The following LAMB4 variants were observed in gnomAD, a reference collection of about 807,000 sequenced individuals.
LAMB4 encodes laminin subunit beta 4, also known as laminin subunit beta-4.
In LAMB4, 196 loss-of-function variants were observed where a neutral mutation model predicts 199.2. The observed-to-expected ratio is 0.98, with a 90% CI of 0.88 to 1.11. LAMB4 has a LOEUF of 1.11. LAMB4 is among the 50% of genes least tolerant of loss of function. The pLI, the probability that LAMB4 is intolerant of heterozygous loss-of-function variation, is 0.00. For missense variants in LAMB4, 2,080 were observed against 2,171.2 expected (o/e 0.96, Z 0.83); for synonymous variants, 744 against 770.6 (o/e 0.97, Z 0.57).
At chr7:108,091,556 G>C in intron 14 of LAMB4, 70 bp downstream of exon 14, 1 of 1,509,038 alleles carries the variant, frequency 6.6e-7, no homozygotes, top group South Asian at 1.3e-5. Flanking sequence ...ACGATCTCAA[G>C]TATGTGCTCT....
intron 31 of LAMB4, among the ~76,000 whole-genome samples, chr7:108,033,148 T>G (rs973893081): frequency 2.0e-5 from 3 of 152,182 alleles, no homozygotes; most frequent in Admixed American, 2.0e-4. Flanking sequence ...ACCTGCAAAC[T>G]TTTTCTGTAA....
rs533237873 is a variant in LAMB4 at position 108,043,757 on chromosome 7, A to G, written c.4466T>C (p.Leu1489Ser). Reference sequence around the variant, plus strand: ...AATATATATTTTTAAATTACCTAACAAAAAGTTTTTCACTTTTTTGATGAA... The same window carrying G: ...AATATATATTTTTAAATTACCTAACGAAAAGTTTTTCACTTTTTTGATGAA... ...NLFIKKVKNF[L>S]LEENVPPEDI... Residue 1489 changes from leucine to serine, a missense_variant, in exon 29 of 34, where the codon TTG becomes TCG. Physicochemically the swap from Leu to Ser is moderately radical, Grantham distance 145 (BLOSUM62 -2). Transcript: ENST00000388781. 5.7e-6 allele frequency: 9 copies of G among 1,570,632 alleles called. No individual in the cohort carries two copies. The African/African-American group carries it at 9.6e-5, about 17-fold the overall frequency.
chr7:108,051,753 A>G (rs1051423696), intron 26 of LAMB4, among the ~76,000 whole-genome samples: 3 of 152,124 alleles, frequency 2.0e-5, no homozygotes, highest in Non-Finnish European at 4.4e-5. Context: ...AGAAAGGCAT[A>G]TAAACATGTC....
intron 1 of LAMB4, among the ~76,000 whole-genome samples, chr7:108,127,189 G>GTTTTTTTTTTTTTT (rs758228106): frequency 7.2e-5 from 5 of 69,072 alleles, no homozygotes; most frequent in Non-Finnish European, 1.4e-4. Context: ...TTTTTTTTGT[G>GTTTTTTTTTTTTTT]TTTTTTTTTT....
chr7:108,046,682 T>G (rs1244858217), intron 28 of LAMB4, among the ~76,000 whole-genome samples: 1 of 152,110 alleles, frequency 6.6e-6, no homozygotes, highest in Non-Finnish European at 1.5e-5. Context: ...TAGATTTAAT[T>G]ATAAGGTACT....
At position 108,057,838 on chromosome 7, in the gene LAMB4, A is replaced by T. The variant is rs1209032251; in HGVS notation, c.3373T>A (p.Cys1125Ser). Residue 1125 changes from cysteine (C) to serine (S), a missense_variant, in exon 24 of 34, where the codon TGC (cysteine) becomes AGC (serine). Physicochemically the swap from Cys to Ser is moderately radical, Grantham distance 112 (BLOSUM62 -1). Coordinates refer to ENST00000388781, the MANE Select transcript of LAMB4 (RefSeq NM_007356.3). The stretch of plus-strand genomic sequence containing the variant: ...TAGAAATCCCAATACTTACGAATGC[A>T]TCGCCCAGGTGGATCACCATAATAA... The part of the protein sequence containing the change: ...ENYYGDPPGR[C>S]IPCDCNRAGT... The T allele has an allele frequency of 6.2e-7, 1 of 1,609,068 alleles. No homozygotes were observed. The highest frequency in any genetic ancestry group is 1.7e-5 in the Admixed American group (1 of 60,012).
At chr7:108,096,275 C>T (rs537401760) in intron 11 of LAMB4, among the ~76,000 whole-genome samples, 6 of 152,240 alleles carry the variant, frequency 3.9e-5, no homozygotes, top group Admixed American at 3.3e-4. Context: ...TTTGTGACTG[C>T]CTTCTTTTAC....
Position 108,069,714 on chromosome 7 carries a change from C to T in LAMB4, c.2296G>A (p.Ala766Thr), listed in dbSNP as rs1324216839. ...CCATTAAACAGATACTTACCCACAG[C>T]CCCATCATGCAGCTTGGCAGACATG... Reference protein sequence around the residue: ...ISMSAKLHDGAVACKCHPQGS... With the variant: ...ISMSAKLHDGTVACKCHPQGS... Residue 766 changes from alanine (A) to threonine (T), a missense_variant, in exon 18 of 34, where the codon GCT becomes ACT. Coordinates refer to ENST00000388781, the MANE Select transcript of LAMB4 (RefSeq NM_007356.3). The T allele has an allele frequency of 1.9e-6, 3 of 1,613,252 alleles. No homozygotes were observed. In the East Asian group the frequency reaches 6.7e-5, roughly 36 times the overall value.
At chr7:108,019,690 G>A (rs1399238481), downstream of LAMB4, among the ~76,000 whole-genome samples, 2 of 152,078 alleles carry the variant, frequency 1.3e-5, no homozygotes, top group East Asian at 1.9e-4. Flanking sequence ...CTAGGCAGCT[G>A]TGTGCCTGGT....
intron 1 of LAMB4, among the ~76,000 whole-genome samples, chr7:108,129,539 C>CT (rs746971932): frequency 0.054 from 7,595 of 141,422 alleles, 600 homozygotes; most frequent in African/African-American, 0.17. Flanking sequence ...ATAAAGTTTA[C>CT]TTTTTTTTTT....
At chr7:108,114,132 G>A (rs959170866) in intron 3 of LAMB4, among the ~76,000 whole-genome samples, 5 of 152,142 alleles carry the variant, frequency 3.3e-5, no homozygotes, top group East Asian at 1.9e-4. Flanking sequence ...GATGGCTGGC[G>A]CTCATATTGG....
chr7:108,011,975 A>G, the LAMB4 span, among the ~76,000 whole-genome samples: 1 of 151,802 alleles, frequency 6.6e-6, no homozygotes, highest in Non-Finnish European at 1.5e-5. Context: ...ATATAAACAC[A>G]TATTTATATA....
chr7:108,038,163 CT>C (rs199791625), intron 29 of LAMB4, among the ~76,000 whole-genome samples: 167 of 146,630 alleles, frequency 1.1e-3, no homozygotes, highest in Non-Finnish European at 1.8e-3. Context: ...TATAAAGAAA[CT>C]TTTTTTTTTT....
At chr7:108,034,138 T>C in intron 31 of LAMB4, 70 bp downstream of exon 31, 1 of 1,429,072 alleles carries the variant, frequency 7.0e-7, no homozygotes, top group Non-Finnish European at 9.9e-7. Context: ...AGCATTGGCA[T>C]ACATAAAAAG....
chr7:108,071,654 G>A (rs1020112050), intron 17 of LAMB4, among the ~76,000 whole-genome samples: 5 of 152,126 alleles, frequency 3.3e-5, no homozygotes, highest in African/African-American at 1.2e-4. Flanking sequence ...TTTGCCTAAC[G>A]CACATCCCAC....
intron 33 of LAMB4, 94 bp from the exon 34 acceptor site, chr7:108,024,272 C>G: frequency 1.7e-6 from 1 of 594,758 alleles, no homozygotes; most frequent in South Asian, 4.0e-5. Flanking sequence ...TTATGCGCCT[C>G]TCAAAGATAT....
At chr7:108,021,056 A>G (rs1179643557), downstream of LAMB4, among the ~76,000 whole-genome samples, 1 of 152,212 alleles carries the variant, frequency 6.6e-6, no homozygotes, top group African/African-American at 2.4e-5. Context: ...AGTGGTTACA[A>G]AGACAAAGTC....
intron 11 of LAMB4, 140 bp downstream of exon 11, chr7:108,098,263 G>C: frequency 1.7e-6 from 1 of 577,240 alleles, no homozygotes; most frequent in Non-Finnish European, 2.8e-6. Context: ...AACCTGGGAG[G>C]TGGAGGTTGG....
At chr7:108,100,140 G>T (rs1480959206) in intron 10 of LAMB4, among the ~76,000 whole-genome samples, 2 of 152,176 alleles carry the variant, frequency 1.3e-5, no homozygotes, top group Non-Finnish European at 2.9e-5. Flanking sequence ...TGTGGGAAGG[G>T]TGGATAGTAA....
Sources: gnomAD v4.1 joint callset for allele counts (sites outside exome capture counted in the v4.1 genomes callset) on GRCh38, gnomAD v4.1.1 for gene constraint, MANE v1.5 for transcripts, NCBI Gene and HGNC (gene_info 2026-07-23, HGNC 2026-07-21) for gene names.